TNFRSF21: variants seen among roughly 807,000 people sequenced by gnomAD.
TNFRSF21 encodes tumor necrosis factor receptor superfamily member 21.
In TNFRSF21, 19 loss-of-function variants were observed where a neutral mutation model predicts 45.6. The ratio of observed to expected loss-of-function variants is 0.42; its 90% confidence interval spans 0.29 to 0.61. TNFRSF21 has a LOEUF of 0.61. Among genes scored for constraint, TNFRSF21 ranks in the 20% least tolerant of loss-of-function variants. The pLI is 0.23. For missense variants in TNFRSF21, 737 were observed against 851.5 expected (o/e 0.87, Z 1.67); for synonymous variants, 314 against 335.5 (o/e 0.94, Z 0.70).
chr6:47,291,392 G>A (rs1762726157), intron 1 of TNFRSF21, among the ~76,000 whole-genome samples: 1 of 152,102 alleles, frequency 6.6e-6, no homozygotes, highest in Non-Finnish European at 1.5e-5. Flanking sequence ...GGGGTATGCG[G>A]GAGAGTAGAC....
intron 3 of TNFRSF21, 132 bp downstream of exon 3, chr6:47,283,806 G>T (rs1006481655): frequency 2.7e-6 from 3 of 1,127,208 alleles, no homozygotes; most frequent in Non-Finnish European, 3.8e-6. Context: ...TCTATAACAC[G>T]ACTAGATCAA....
intron 1 of TNFRSF21, among the ~76,000 whole-genome samples, chr6:47,297,457 AC>A (rs1451078027): frequency 2.0e-5 from 3 of 146,624 alleles, no homozygotes; most frequent in Non-Finnish European, 4.5e-5. Flanking sequence ...TTAGTTTTTT[AC>A]TTTTATTTTT....
intron 3 of TNFRSF21, among the ~76,000 whole-genome samples, chr6:47,258,414 T>G (rs79699455): frequency 6.0e-5 from 9 of 151,108 alleles, no homozygotes; most frequent in Non-Finnish European, 1.3e-4. Context: ...TTTTTTTTTT[T>G]GGTCACCAAA....
At chr6:47,277,028 T>C (rs1310186439) in intron 3 of TNFRSF21, among the ~76,000 whole-genome samples, 1 of 152,210 alleles carries the variant, frequency 6.6e-6, no homozygotes, top group African/African-American at 2.4e-5. Flanking sequence ...AGTTTTTCTC[T>C]TGTTGCCCAG....
chr6:47,268,343 C>T (rs1262365439), intron 3 of TNFRSF21, among the ~76,000 whole-genome samples: 1 of 152,190 alleles, frequency 6.6e-6, no homozygotes, highest in African/African-American at 2.4e-5. Flanking sequence ...TTACTTCTCT[C>T]CCTTCCCTCA....
At chr6:47,309,252 C>T (rs1561955942) in intron 1 of TNFRSF21, among the ~76,000 whole-genome samples, 164 bp downstream of exon 1, 1 of 152,170 alleles carries the variant, frequency 6.6e-6, no homozygotes, top group Non-Finnish European at 1.5e-5. Context: ...CTAGTCGAGG[C>T]CCTCTGGTGT....
chr6:47,302,530 C>A (rs1379591236), intron 1 of TNFRSF21, among the ~76,000 whole-genome samples: 3 of 152,212 alleles, frequency 2.0e-5, no homozygotes, highest in Non-Finnish European at 4.4e-5. Context: ...ATCTTTCCAT[C>A]TTAGCGATGG....
At chr6:47,300,801 C>T (rs574079700) in intron 1 of TNFRSF21, among the ~76,000 whole-genome samples, 4 of 152,306 alleles carry the variant, frequency 2.6e-5, no homozygotes, top group African/African-American at 7.2e-5. Flanking sequence ...ACCCCTTTTA[C>T]GACGTCCAAG....
At chr6:47,248,398 C>T (rs115990651) in intron 4 of TNFRSF21, among the ~76,000 whole-genome samples, 1,732 of 152,218 alleles carry the variant, frequency 0.011, 45 homozygotes, top group African/African-American at 0.039. Flanking sequence ...GAAACAGACT[C>T]CTTTCCTCCC....
chr6:47,308,444 G>A (rs1762969806), intron 1 of TNFRSF21, among the ~76,000 whole-genome samples: 1 of 152,330 alleles, frequency 6.6e-6, no homozygotes, highest in East Asian at 1.9e-4. Flanking sequence ...AGATAGGCAA[G>A]GGAAGCTCAA....
At chr6:47,254,647 C>A (rs568732223) in intron 3 of TNFRSF21, among the ~76,000 whole-genome samples, 3 of 152,312 alleles carry the variant, frequency 2.0e-5, no homozygotes, top group Admixed American at 1.3e-4. Flanking sequence ...GTGTGCCCAG[C>A]TGTTCCAGGC....
chr6:47,288,507 T>C (rs1406785007), intron 1 of TNFRSF21, among the ~76,000 whole-genome samples: 5 of 151,664 alleles, frequency 3.3e-5, no homozygotes, highest in Non-Finnish European at 7.4e-5. Flanking sequence ...ACACATAAAA[T>C]CTGTATACCC....
chr6:47,233,443 T>C (rs1764616148), intron 5 of TNFRSF21, among the ~76,000 whole-genome samples: 1 of 152,168 alleles, frequency 6.6e-6, no homozygotes, highest in South Asian at 2.1e-4. Context: ...CCCACCCCTT[T>C]CCAAATGATC....
intron 4 of TNFRSF21, among the ~76,000 whole-genome samples, chr6:47,237,515 C>T (rs1764678220): frequency 6.6e-6 from 1 of 151,908 alleles, no homozygotes. Context: ...ATGAAGAACA[C>T]CTACAATAAG....
chr6:47,249,124 A>G (rs1288354903), intron 4 of TNFRSF21, among the ~76,000 whole-genome samples: 4 of 152,300 alleles, frequency 2.6e-5, no homozygotes, highest in South Asian at 4.1e-4. Context: ...GATCCAGCAC[A>G]TTCCTCCTCC....
chr6:47,309,755 C>T lies in TNFRSF21; in HGVS notation c.-244G>A, dbSNP rs1479138191. On this transcript the variant is annotated 5_prime_UTR_variant, in exon 1 of 6. Transcript: ENST00000296861. ...GGGAGAAGCCGCCGCGACTGCAGCC[C>T]GCGTCTCCGGGTGCTCTCCTCCGAC... 2 of 431,384 alleles carry T rather than the reference C, an allele frequency of 4.6e-6. No individual in the cohort carries two copies. Among genetic ancestry groups the T allele is most frequent in the Non-Finnish European group, 4.0e-6 (1 of 252,838 alleles). The allele number at this position is 431,384 out of a possible 1,614,324, so 26.7% of individuals were successfully genotyped here.
intron 5 of TNFRSF21, 46 bp downstream of exon 5, chr6:47,234,624 T>C (rs1179793133): frequency 6.9e-7 from 1 of 1,459,122 alleles, no homozygotes; most frequent in Non-Finnish European, 9.4e-7. Context: ...CAGGGGCTCT[T>C]TGGGGGGTTT....
chr6:47,245,806 T>C (rs1764816481), intron 4 of TNFRSF21, among the ~76,000 whole-genome samples: 1 of 152,072 alleles, frequency 6.6e-6, no homozygotes, highest in Non-Finnish European at 1.5e-5. Flanking sequence ...AGAAATGAGG[T>C]TTCATATGCT....
At chr6:47,267,232 G>C (rs894229708) in intron 3 of TNFRSF21, among the ~76,000 whole-genome samples, 1 of 151,904 alleles carries the variant, frequency 6.6e-6, no homozygotes, top group Admixed American at 6.6e-5. Context: ...CTGAGTAGCT[G>C]GGACTACAGG....
Sources: allele counts gnomAD v4.1 joint callset (sites outside exome capture counted in the v4.1 genomes callset), GRCh38; gene constraint gnomAD v4.1.1; transcripts MANE v1.5; gene names NCBI Gene and HGNC (gene_info 2026-07-23, HGNC 2026-07-21).